The following ADARB2 variants were observed in gnomAD, a reference collection of about 807,000 sequenced individuals.
ADARB2 encodes adenosine deaminase RNA specific B2 (inactive).
In ADARB2, 25 loss-of-function variants were observed where a neutral mutation model predicts 62.2. The ratio of observed to expected loss-of-function variants is 0.40; its 90% CI spans 0.29 to 0.56. The LOEUF (loss-of-function observed/expected upper bound fraction) is 0.56. Ranked by LOEUF, ADARB2 falls within the 20% of genes least tolerant of loss-of-function variation. The probability of loss-of-function intolerance (pLI) is 0.43; values close to 1 mark genes in which losing one functional copy is unlikely to be tolerated. For synonymous variants in ADARB2, 572 were observed against 500.8 expected (o/e 1.14, Z -1.90); for missense variants, 1,071 against 1,077.4 (o/e 0.99, Z 0.08).
intron 1 of ADARB2, among the ~76,000 whole-genome samples, chr10:1,641,861 A>G (rs1833982764): frequency 6.6e-6 from 1 of 152,100 alleles, no homozygotes; most frequent in South Asian, 2.1e-4. Context: ...AAAAATACAA[A>G]AATTAGTCAG....
At chr10:1,667,336 C>T (rs1475725092) in intron 1 of ADARB2, among the ~76,000 whole-genome samples, 2 of 152,156 alleles carry the variant, frequency 1.3e-5, no homozygotes, top group Non-Finnish European at 2.9e-5. Context: ...TCTGATTTAG[C>T]TATTTTTAAG....
intron 1 of ADARB2, among the ~76,000 whole-genome samples, chr10:1,713,195 G>C (rs1342793443): frequency 6.6e-6 from 1 of 152,200 alleles, no homozygotes; most frequent in African/African-American, 2.4e-5. Flanking sequence ...ACCTGGGGAG[G>C]TGTGGGTGAT....
At chr10:1,569,816 T>G (rs540593411) in intron 1 of ADARB2, among the ~76,000 whole-genome samples, 3 of 152,280 alleles carry the variant, frequency 2.0e-5, no homozygotes, top group Admixed American at 2.0e-4. Context: ...TGCTCAAGAC[T>G]TTCTTATAAA....
intron 1 of ADARB2, among the ~76,000 whole-genome samples, chr10:1,435,814 C>T (rs572660098): frequency 6.6e-6 from 1 of 152,290 alleles, no homozygotes; most frequent in South Asian, 2.1e-4. Context: ...GGTTTTAGTC[C>T]ACATGTCACT....
At chr10:1,402,613 C>T (rs943443789) in intron 1 of ADARB2, among the ~76,000 whole-genome samples, 2 of 152,130 alleles carry the variant, frequency 1.3e-5, no homozygotes, top group African/African-American at 2.4e-5. Flanking sequence ...GAGTCGGAGG[C>T]GGCCCCACTT....
chr10:1,196,139 C>G (rs373224790), intron 8 of ADARB2, among the ~76,000 whole-genome samples: 2 of 152,018 alleles, frequency 1.3e-5, no homozygotes, highest in Non-Finnish European at 2.9e-5. Context: ...GCAGTGTCAC[C>G]GCCACACTGA....
intron 3 of ADARB2, among the ~76,000 whole-genome samples, chr10:1,294,757 G>T (rs113515967): frequency 0.026 from 3,986 of 152,222 alleles, 168 homozygotes; most frequent in African/African-American, 0.089. Flanking sequence ...GTTGAAAATT[G>T]CTTCTCCCCT....
intron 1 of ADARB2, among the ~76,000 whole-genome samples, chr10:1,644,386 A>G (rs939335626): frequency 6.6e-6 from 1 of 152,268 alleles, no homozygotes; most frequent in Non-Finnish European, 1.5e-5. Context: ...TGTATGTTAC[A>G]TGCAAAACAA....
chr10:1,384,144 G>A (rs774985031), intron 1 of ADARB2, among the ~76,000 whole-genome samples: 26 of 152,212 alleles, frequency 1.7e-4, no homozygotes, highest in Non-Finnish European at 3.4e-4. Flanking sequence ...CATACGATGT[G>A]TTCATAAACA....
intron 1 of ADARB2, chr10:1,675,524 G>A (rs958845177): frequency 9.3e-6 from 9 of 968,288 alleles, no homozygotes; most frequent in Middle Eastern, 5.3e-4. Context: ...ATGCGTGGAT[G>A]TTCAGGAGGT....
intron 3 of ADARB2, among the ~76,000 whole-genome samples, chr10:1,306,326 A>C (rs1054967920): frequency 6.6e-5 from 10 of 152,098 alleles, no homozygotes; most frequent in Non-Finnish European, 1.2e-4. Flanking sequence ...CAAAGACAAT[A>C]AAATACCTAG....
chr10:1,185,144 G>T, intron 8 of ADARB2, 105 bp from the exon 9 acceptor site: 2 of 1,375,132 alleles, frequency 1.5e-6, no homozygotes, highest in Non-Finnish European at 1.9e-6. Flanking sequence ...AGTGGGAATG[G>T]TCCTCCCTTT....
At chr10:1,298,619 G>C (rs541832959) in intron 3 of ADARB2, among the ~76,000 whole-genome samples, 56 of 152,102 alleles carry the variant, frequency 3.7e-4, no homozygotes, top group Non-Finnish European at 7.1e-4. Context: ...CACGTGGATG[G>C]AGAAGACACA....
intron 3 of ADARB2, among the ~76,000 whole-genome samples, chr10:1,313,907 C>T (rs1831714482): frequency 6.6e-6 from 1 of 152,236 alleles, no homozygotes; most frequent in Non-Finnish European, 1.5e-5. Context: ...GCCAAACACC[C>T]ACACCATGTC....
intron 1 of ADARB2, among the ~76,000 whole-genome samples, chr10:1,635,905 C>T (rs1443547389): frequency 6.6e-6 from 1 of 152,144 alleles, no homozygotes; most frequent in East Asian, 1.9e-4. Context: ...CAACAGGGCT[C>T]TCTGGAACAC....
At chr10:1,358,238 C>T (rs1832215641) in intron 3 of ADARB2, among the ~76,000 whole-genome samples, 1 of 152,154 alleles carries the variant, frequency 6.6e-6, no homozygotes, top group Non-Finnish European at 1.5e-5. Context: ...GAGGATGAAC[C>T]CCTCAGGCTT....
At chr10:1,224,209 C>CA (rs1458506440) in intron 6 of ADARB2, among the ~76,000 whole-genome samples, 1 of 152,102 alleles carries the variant, frequency 6.6e-6, no homozygotes, top group Non-Finnish European at 1.5e-5. Flanking sequence ...AGTTTATTTG[C>CA]ATAGAGGTGT....
chr10:1,229,387 C>T (rs894386721), intron 6 of ADARB2, among the ~76,000 whole-genome samples: 7 of 152,180 alleles, frequency 4.6e-5, no homozygotes, highest in South Asian at 2.1e-4. Context: ...AGGTTGCTGC[C>T]GGGAGCCAGC....
intron 1 of ADARB2, among the ~76,000 whole-genome samples, chr10:1,597,234 G>T (rs1430643474): frequency 6.6e-6 from 1 of 152,134 alleles, no homozygotes; most frequent in Non-Finnish European, 1.5e-5. Flanking sequence ...TCTCTTTTGG[G>T]GGAGGGGGAT....
Sources: allele counts gnomAD v4.1 joint callset (sites outside exome capture counted in the v4.1 genomes callset), GRCh38; gene constraint gnomAD v4.1.1; transcripts MANE v1.5; gene names NCBI Gene and HGNC (gene_info 2026-07-23, HGNC 2026-07-21).